The following PIK3C2G variants were observed in gnomAD, a reference collection of about 807,000 sequenced individuals.
PIK3C2G encodes the protein phosphatidylinositol 3-kinase C2 domain-containing subunit gamma.
Under a neutral mutation model 181.1 loss-of-function variants are expected in PIK3C2G, and 168 were observed. The ratio of observed to expected loss-of-function variants is 0.93; its 90% CI spans 0.82 to 1.05. The LOEUF is 1.05. Ranked by LOEUF, PIK3C2G falls within the 50% of genes least tolerant of loss-of-function variation. The probability of loss-of-function intolerance (pLI) is 0.00; values close to 1 mark genes in which losing one functional copy is unlikely to be tolerated. For missense variants in PIK3C2G, 1,869 were observed against 1,732.8 expected (o/e 1.08, Z -1.40); for synonymous variants, 573 against 592.2 (o/e 0.97, Z 0.47).
intron 24 of PIK3C2G, among the ~76,000 whole-genome samples, chr12:18,507,849 A>C (rs1306452755): frequency 6.6e-6 from 1 of 152,214 alleles, no homozygotes; most frequent in Non-Finnish European, 1.5e-5. Context: ...TTAAAACAGT[A>C]TGGTAAGTTC....
chr12:18,403,590 T>C (rs1317198870), intron 16 of PIK3C2G, among the ~76,000 whole-genome samples: 1 of 152,340 alleles, frequency 6.6e-6, no homozygotes, highest in East Asian at 1.9e-4. Context: ...TCTTGACAAC[T>C]GGTGTGCTCC....
intron 3 of PIK3C2G, among the ~76,000 whole-genome samples, 154 bp downstream of exon 3, chr12:18,287,083 C>T (rs1949477964): frequency 6.6e-6 from 1 of 152,072 alleles, no homozygotes; most frequent in African/African-American, 2.4e-5. Flanking sequence ...CAAATTAGTT[C>T]AATAATCAAC....
At chr12:18,329,733 A>G (rs927271509) in intron 8 of PIK3C2G, among the ~76,000 whole-genome samples, 1 of 152,058 alleles carries the variant, frequency 6.6e-6, no homozygotes, top group Non-Finnish European at 1.5e-5. Flanking sequence ...AGGGACATAG[A>G]TTTACAAGGC....
chr12:18,461,635 T>C (rs987868157), intron 18 of PIK3C2G, among the ~76,000 whole-genome samples: 47 of 152,298 alleles, frequency 3.1e-4, no homozygotes, highest in African/African-American at 1.1e-3. Flanking sequence ...GTTAATAGTG[T>C]CTAATTGTTG....
chr12:18,393,323 G>T (rs1447808280), intron 15 of PIK3C2G, among the ~76,000 whole-genome samples: 1 of 152,026 alleles, frequency 6.6e-6, no homozygotes, highest in Non-Finnish European at 1.5e-5. Flanking sequence ...ATTCTGGACT[G>T]TGAAAATAGA....
intron 16 of PIK3C2G, among the ~76,000 whole-genome samples, chr12:18,409,187 C>A (rs867446213): frequency 6.6e-6 from 1 of 152,066 alleles, no homozygotes; most frequent in Non-Finnish European, 1.5e-5. Context: ...GAAAATGAGG[C>A]ACATATACAC....
chr12:18,490,932 A>C (rs1347401940), intron 19 of PIK3C2G, among the ~76,000 whole-genome samples: 1 of 152,100 alleles, frequency 6.6e-6, no homozygotes, highest in Non-Finnish European at 1.5e-5. Flanking sequence ...CCAGTAAACT[A>C]TTTGTTCCTA....
chr12:18,552,922 A>G (rs1483855351), intron 26 of PIK3C2G, among the ~76,000 whole-genome samples: 1 of 152,000 alleles, frequency 6.6e-6, no homozygotes, highest in Non-Finnish European at 1.5e-5. Flanking sequence ...GATATCGTAA[A>G]CTCTTCAGGA....
intron 13 of PIK3C2G, 35 bp from the exon 14 acceptor site, chr12:18,381,731 C>T (rs1326786122): frequency 1.7e-6 from 2 of 1,206,446 alleles, no homozygotes; most frequent in Non-Finnish European, 2.5e-6. Flanking sequence ...CATGAAGTGA[C>T]TCCTGTCTGT....
At chr12:18,352,794 T>A (rs976490075) in intron 11 of PIK3C2G, among the ~76,000 whole-genome samples, 3 of 152,052 alleles carry the variant, frequency 2.0e-5, no homozygotes, top group Admixed American at 6.5e-5. Flanking sequence ...GCCAAACTCT[T>A]CTTTGAGATC....
intron 30 of PIK3C2G, among the ~76,000 whole-genome samples, chr12:18,595,564 T>A: frequency 6.6e-6 from 1 of 152,240 alleles, no homozygotes; most frequent in East Asian, 1.9e-4. Context: ...AAACATGCCT[T>A]GGGAGAACAA....
At chr12:18,294,777 A>G (rs1171437830) in intron 5 of PIK3C2G, among the ~76,000 whole-genome samples, 1 of 151,982 alleles carries the variant, frequency 6.6e-6, no homozygotes, top group East Asian at 1.9e-4. Context: ...TTAATACAGT[A>G]GATCCCTATT....
intron 8 of PIK3C2G, among the ~76,000 whole-genome samples, chr12:18,332,713 A>G (rs1938107723): frequency 6.6e-6 from 1 of 152,006 alleles, no homozygotes; most frequent in Non-Finnish European, 1.5e-5. Context: ...CTCCAGAAGC[A>G]AGGGGTTTTT....
chr12:18,338,310 A>C, intron 8 of PIK3C2G, 116 bp from the exon 9 acceptor site: 1 of 787,864 alleles, frequency 1.3e-6, no homozygotes, highest in Non-Finnish European at 2.0e-6. Context: ...GTGTGAAAGC[A>C]AACAAGCATA....
chr12:18,564,941 C>G (rs373709471), intron 28 of PIK3C2G, among the ~76,000 whole-genome samples: 2 of 152,124 alleles, frequency 1.3e-5, no homozygotes, highest in African/African-American at 4.8e-5. Context: ...TTTAAAAATT[C>G]TAATAATCTA....
chr12:18,624,784 GAATT>G, intron 31 of PIK3C2G, among the ~76,000 whole-genome samples: 1 of 151,648 alleles, frequency 6.6e-6, no homozygotes, highest in South Asian at 2.1e-4. Flanking sequence ...ATGTGTCTAA[GAATT>G]AACCCATTTC....
chr12:18,351,000 T>C (rs994658222), intron 11 of PIK3C2G, among the ~76,000 whole-genome samples: 3 of 152,118 alleles, frequency 2.0e-5, no homozygotes, highest in Admixed American at 6.5e-5. Flanking sequence ...TTACAGAAGA[T>C]AATTTGGAAA....
chr12:18,562,528 C>T, intron 26 of PIK3C2G, among the ~76,000 whole-genome samples, 175 bp from the exon 27 acceptor site: 1 of 152,210 alleles, frequency 6.6e-6, no homozygotes, highest in East Asian at 1.9e-4. Context: ...GCTAACAACT[C>T]CAGATGCAAA....
chr12:18,539,989 C>G (rs1944064924), intron 25 of PIK3C2G, among the ~76,000 whole-genome samples: 1 of 151,624 alleles, frequency 6.6e-6, no homozygotes, highest in Non-Finnish European at 1.5e-5. Context: ...TATAATGTGT[C>G]TGTACCACAA....
Sources: allele counts gnomAD v4.1 joint callset (sites outside exome capture counted in the v4.1 genomes callset), GRCh38; gene constraint gnomAD v4.1.1; transcripts MANE v1.5; gene names NCBI Gene and HGNC (gene_info 2026-07-23, HGNC 2026-07-21).